The following MYO18B variants were observed in gnomAD, a reference collection of about 807,000 sequenced individuals.
The protein encoded by MYO18B is myosin XVIIIB, also known as unconventional myosin-XVIIIb.
In MYO18B, 204 loss-of-function variants were observed where a neutral mutation model predicts 273.0. The observed-to-expected ratio is 0.75, with a 90% CI of 0.67 to 0.84. MYO18B has a LOEUF of 0.84. Ranked by LOEUF, MYO18B falls within the 40% of genes least tolerant of loss-of-function variation. The pLI, the probability that MYO18B is intolerant of heterozygous loss-of-function variation, is 0.00. For synonymous variants in MYO18B, 1,330 were observed against 1,305.7 expected (o/e 1.02, Z -0.40); for missense variants, 3,212 against 3,287.6 (o/e 0.98, Z 0.56).
chr22:25,901,132 T>G (rs1246484864), intron 29 of MYO18B: 1 of 152,208 alleles, frequency 6.6e-6, no homozygotes, highest in Non-Finnish European at 1.5e-5. Context: ...ATCAGAAAGC[T>G]CCTGAGCTGT....
chr22:26,027,370 G>C lies in MYO18B; in HGVS notation c.7396G>C (p.Asp2466His). The part of the protein sequence containing the change: ...SLAGSAKGGQ[D>H]GSQRSSIHFE... ...GGCTGGATCAGCCAAAGGTGGGCAA[G>C]ACGGTTCACAGCGTTCAAGCATCCA... is the stretch of plus-strand genomic sequence containing the variant. The change falls in exon 43 of 44, where the codon GAC (aspartate) becomes CAC (histidine). Residue 2466 changes from aspartate (D) to histidine (H), a missense_variant. Coordinates refer to ENST00000335473, the MANE Select transcript of MYO18B (RefSeq NM_032608.7). The surrounding 1 kb of genome is among the most constrained non-coding windows in gnomAD (Gnocchi z 4.1). 6.2e-7 allele frequency: 1 copy of C among 1,614,014 alleles called. No individual in the cohort carries two copies.
Position 25,939,711 on chromosome 22 carries a change from T to C in MYO18B, c.5518-6426T>C, listed in dbSNP as rs570255805. Among the ~76,000 whole-genome samples, 13 of 152,310 alleles carry C rather than the reference T, an allele frequency of 8.5e-5. No homozygotes were observed. The East Asian group carries it at 2.5e-3, about 29-fold the overall frequency. On this transcript the variant is annotated intron_variant, in intron 34 of 43. Transcript: ENST00000335473. The stretch of plus-strand genomic sequence containing the variant: ...AAGAATGGGAAGTGGATGCTGGGCA[T>C]GTACCATACCACATTTTTTGTACAG...
intron 21 of MYO18B, among the ~76,000 whole-genome samples, chr22:25,859,160 C>T (rs1210873390): frequency 1.3e-5 from 2 of 151,928 alleles, no homozygotes; most frequent in African/African-American, 2.4e-5. Flanking sequence ...TTTAATGCCC[C>T]TTCTATACAA....
At chr22:25,857,256 C>G (rs186582052) in intron 21 of MYO18B, among the ~76,000 whole-genome samples, 1 of 152,298 alleles carries the variant, frequency 6.6e-6, no homozygotes, top group Non-Finnish European at 1.5e-5. Context: ...GCTGCTGAAG[C>G]AGGAGTTGCC....
rs373617251 is a variant in MYO18B at position 25,874,368 on chromosome 22, C to A, written c.4034C>A (p.Ala1345Glu). The A allele has an allele frequency of 3.1e-6, 5 of 1,613,966 alleles. No homozygotes were observed. The highest frequency in any genetic ancestry group is 2.2e-5 in the East Asian group (1 of 44,880). The change falls in exon 23 of 44, where the codon GCG becomes GAG. Residue 1345 changes from alanine (A) to glutamate (E), a missense_variant. By Grantham distance (107) the Ala-to-Glu change is moderately radical. Transcript: ENST00000335473. ...LVSQSIVLFQ[A>E]ACKGFLSRQE... ...TCTCAGAGCATCGTTCTCTTCCAGGCGGCTTGCAAGGGCTTTCTGTCTCGC... is the reference window on the plus strand; with the variant it reads ...TCTCAGAGCATCGTTCTCTTCCAGGAGGCTTGCAAGGGCTTTCTGTCTCGC...
intron 35 of MYO18B, among the ~76,000 whole-genome samples, chr22:25,947,155 A>G (rs1016398178): frequency 2.0e-5 from 3 of 152,110 alleles, no homozygotes; most frequent in African/African-American, 7.2e-5. Flanking sequence ...ACGTGTATAC[A>G]CAGGAATGAA....
At chr22:25,798,413 A>G (rs1030099949) in intron 12 of MYO18B, among the ~76,000 whole-genome samples, 14 of 152,184 alleles carry the variant, frequency 9.2e-5, no homozygotes, top group African/African-American at 3.4e-4. Context: ...TGAGGAATTG[A>G]ATTTTTAATT....
intron 28 of MYO18B, 116 bp downstream of exon 28, chr22:25,895,396 AC>A (rs2091775160): frequency 1.6e-6 from 2 of 1,273,734 alleles, no homozygotes; most frequent in Non-Finnish European, 2.1e-6. Flanking sequence ...GAGGACACAA[AC>A]CCCTTAAGGT....
chr22:26,024,129 T>G (rs1190602369), intron 42 of MYO18B, among the ~76,000 whole-genome samples: 1 of 152,222 alleles, frequency 6.6e-6, no homozygotes, highest in East Asian at 1.9e-4. Context: ...GAGGCTTTTA[T>G]TGAGTCCAGT....
chr22:25,813,381 A>G (rs1207694653), intron 12 of MYO18B, among the ~76,000 whole-genome samples: 3 of 151,648 alleles, frequency 2.0e-5, no homozygotes, highest in Non-Finnish European at 2.9e-5. Context: ...CTCTGTGCCT[A>G]TTGGATGATA....
intron 18 of MYO18B, among the ~76,000 whole-genome samples, chr22:25,845,165 C>T (rs767070444): frequency 1.3e-5 from 2 of 152,204 alleles, no homozygotes; most frequent in Non-Finnish European, 2.9e-5. Context: ...GAGCCCGGTT[C>T]GTAGTTGGCT....
At chr22:25,926,565 G>A (rs1487138643) in intron 34 of MYO18B, among the ~76,000 whole-genome samples, 2 of 152,180 alleles carry the variant, frequency 1.3e-5, no homozygotes, top group African/African-American at 4.8e-5. Flanking sequence ...AAAGTGCTGG[G>A]ATTACAGGTG....
At chr22:26,033,786 T>C (rs1180053313), downstream of MYO18B, among the ~76,000 whole-genome samples, 3 of 133,090 alleles carry the variant, frequency 2.3e-5, no homozygotes, top group Non-Finnish European at 4.5e-5. Flanking sequence ...TTCTTTCTTT[T>C]TCTGTCTCTC....
chr22:25,890,563 A>C (rs1211092036), intron 25 of MYO18B, among the ~76,000 whole-genome samples, 193 bp from the exon 26 acceptor site: 1 of 152,204 alleles, frequency 6.6e-6, no homozygotes, highest in East Asian at 1.9e-4. Flanking sequence ...GTGTAAAATC[A>C]CACAGCTAGT....
chr22:26,029,488 G>A (rs182473774), intron 43 of MYO18B, among the ~76,000 whole-genome samples: 7 of 152,156 alleles, frequency 4.6e-5, no homozygotes, highest in East Asian at 3.9e-4. Flanking sequence ...TTATGCTCTC[G>A]GGGACACAGA....
At chr22:25,830,839 C>T (rs1601827080) in intron 15 of MYO18B, among the ~76,000 whole-genome samples, 1 of 152,304 alleles carries the variant, frequency 6.6e-6, no homozygotes, top group South Asian at 2.1e-4. Context: ...CAGGGAAGTG[C>T]AGAGAACCAG....
In MYO18B at chr22:25,814,464, A is replaced by G. The variant is rs538376226; in HGVS notation, c.2522-9041A>G. On this transcript the variant is annotated intron_variant, in intron 12 of 43. Transcript: ENST00000335473. ...CCTCCCAGGTAGCTTGGATCCAGAC[A>G]CTATTCTAAGAGCTTTGGCTACTTC... Among the ~76,000 whole-genome samples the G allele has an allele frequency of 7.9e-5, 12 of 151,340 alleles. No homozygotes were observed. In the South Asian group the frequency reaches 2.3e-3, roughly 29 times the overall value.
In MYO18B at chr22:25,946,159, G is replaced by T. The variant is rs1436663733; in HGVS notation, c.5540G>T (p.Cys1847Phe). ...CAGCTGGAGCAGAGTGAAGCCAAGT[G>T]TGAGGAGGCCTTGAAGACGCAGAAG... ...HSQLEQSEAKCEEALKTQKVL... is the reference protein window; with the variant it reads ...HSQLEQSEAKFEEALKTQKVL... The change falls in exon 35 of 44, where the codon TGT becomes TTT. Residue 1847 changes from cysteine to phenylalanine, a missense_variant. By Grantham distance (205) the Cys-to-Phe change is radical (BLOSUM62 -2). Coordinates refer to ENST00000335473, the MANE Select transcript of MYO18B (RefSeq NM_032608.7). 1 of 1,564,802 alleles carries T rather than the reference G, an allele frequency of 6.4e-7. No homozygotes were observed. The highest frequency in any genetic ancestry group is 1.9e-5 in the Admixed American group (1 of 52,950).
intron 21 of MYO18B, among the ~76,000 whole-genome samples, chr22:25,857,588 C>T (rs1569117636): frequency 6.6e-6 from 1 of 152,216 alleles, no homozygotes; most frequent in Admixed American, 6.5e-5. Flanking sequence ...CCACCACCTT[C>T]GCTCCTGAAA....
Sources: allele counts gnomAD v4.1 joint callset (sites outside exome capture counted in the v4.1 genomes callset), GRCh38; gene constraint gnomAD v4.1.1; non-coding constraint Gnocchi (gnomAD v3.1); transcripts MANE v1.5; gene names NCBI Gene and HGNC (gene_info 2026-07-23, HGNC 2026-07-21).